AUTS2: variants seen among roughly 807,000 people sequenced by gnomAD.
AUTS2 encodes the protein activator of transcription and developmental regulator AUTS2.
Under a neutral mutation model 112.4 loss-of-function variants are expected in AUTS2, and 17 were observed. The ratio of observed to expected loss-of-function variants is 0.15; its 90% CI spans 0.10 to 0.23. The LOEUF (loss-of-function observed/expected upper bound fraction) is 0.23, where lower values mean the gene tolerates loss of function less well. Ranked by LOEUF, AUTS2 falls within the 10% of genes least tolerant of loss-of-function variation. AUTS2 has a pLI of 1.00. For missense variants in AUTS2, 1,510 were observed against 1,701.6 expected (o/e 0.89, Z 1.98); for synonymous variants, 751 against 702.7 (o/e 1.07, Z -1.09).
At chr7:70,065,440 T>A (rs1563075436) in intron 2 of AUTS2, among the ~76,000 whole-genome samples, 1 of 152,136 alleles carries the variant, frequency 6.6e-6, no homozygotes, top group Non-Finnish European at 1.5e-5. Flanking sequence ...ACACCTGTAA[T>A]CCCAGCACTT....
At position 70,537,334 on chromosome 7, in the gene AUTS2, T is replaced by C. The variant is rs150176523; in HGVS notation, c.690+101553T>C. On this transcript the variant is annotated intron_variant, in intron 5 of 18. Transcript: ENST00000342771. ...TACTACAACATTGGATTTTTGTTGC[T>C]GTTAAATCAAAATTTTAGTCTTTCA... Among the ~76,000 whole-genome samples, 1,412 of 152,330 alleles carry C rather than the reference T, an allele frequency of 9.3e-3. 14 individuals are homozygous for C. Among genetic ancestry groups the C allele is most frequent in the African/African-American group, 0.032 (1,351 of 41,580 alleles).
chr7:70,531,623 C>G (rs936630424), intron 5 of AUTS2, among the ~76,000 whole-genome samples: 3 of 152,036 alleles, frequency 2.0e-5, no homozygotes, highest in Middle Eastern at 3.2e-3. Flanking sequence ...ATAATCGGCT[C>G]TCATGTGAAC....
chr7:70,473,694 T>A (rs62455226), intron 5 of AUTS2, among the ~76,000 whole-genome samples: 3,707 of 151,444 alleles, frequency 0.024, 100 homozygotes, highest in Admixed American at 0.087. Flanking sequence ...CTAGAAAATG[T>A]TTGTTTTTTT....
In AUTS2 at chr7:69,811,182, T is replaced by C. The variant is rs112393504; in HGVS notation, c.310-88104T>C. Among the ~76,000 whole-genome samples, 773 of 152,242 alleles carry C rather than the reference T, an allele frequency of 5.1e-3. 8 individuals are homozygous for C. The highest frequency in any genetic ancestry group is 0.018 in the African/African-American group (728 of 41,536). On this transcript the variant is annotated intron_variant, in intron 1 of 18. Transcript: ENST00000342771. ...TAAAAGAGGAATCTGAAGGGCCTTA[T>C]GGGAAGAGTACTGCTGGTGGACACA...
intron 1 of AUTS2, among the ~76,000 whole-genome samples, chr7:69,622,276 G>A (rs1269909877): frequency 1.3e-5 from 2 of 152,120 alleles, no homozygotes; most frequent in African/African-American, 4.8e-5. Context: ...CTTGAATTTT[G>A]GTTGCCTATG....
At chr7:70,379,315 A>G (rs1212525218) in intron 4 of AUTS2, among the ~76,000 whole-genome samples, 2 of 152,152 alleles carry the variant, frequency 1.3e-5, no homozygotes, top group Admixed American at 1.3e-4. Flanking sequence ...GGCCTGGCCA[A>G]CATGGTGAAA....
chr7:70,616,681 A>C (rs1804384747), intron 5 of AUTS2, among the ~76,000 whole-genome samples: 1 of 152,186 alleles, frequency 6.6e-6, no homozygotes, highest in Admixed American at 6.5e-5. Flanking sequence ...GTTAAAAATC[A>C]ACGTATCTTT....
In AUTS2 at chr7:69,891,443, G is replaced by A. The variant is rs561742130; in HGVS notation, c.310-7843G>A. ...TTGCACATCTGCTAGGAGCATTCAT[G>A]TGTAGCTCTTCATGTAGACATGTAC... is the stretch of plus-strand genomic sequence containing the variant. On this transcript the variant is annotated intron_variant, in intron 1 of 18. Coordinates refer to ENST00000342771, the MANE Select transcript of AUTS2 (RefSeq NM_015570.4). Among the ~76,000 whole-genome samples, 18 of 152,290 alleles carry A rather than the reference G, an allele frequency of 1.2e-4. No individual in the cohort carries two copies. The South Asian group carries it at 2.7e-3, about 23-fold the overall frequency.
intron 5 of AUTS2, among the ~76,000 whole-genome samples, chr7:70,652,513 A>G (rs1806558267): frequency 6.6e-6 from 1 of 152,230 alleles, no homozygotes; most frequent in Admixed American, 6.5e-5. Flanking sequence ...AAGTAAATGT[A>G]AAAGACTACA....
chr7:70,046,520 A>C (rs1801511721), intron 2 of AUTS2, among the ~76,000 whole-genome samples: 1 of 152,228 alleles, frequency 6.6e-6, no homozygotes, highest in Non-Finnish European at 1.5e-5. Flanking sequence ...ATTCTCAAGC[A>C]AATGGAAGCT....
intron 4 of AUTS2, among the ~76,000 whole-genome samples, chr7:70,236,758 CGTT>C (rs1324164598): frequency 6.6e-6 from 1 of 152,176 alleles, no homozygotes. Context: ...TTCCACTCCT[CGTT>C]GTTATTTTCT....
chr7:69,826,457 A>T (rs1045228690), intron 1 of AUTS2, among the ~76,000 whole-genome samples: 2 of 152,162 alleles, frequency 1.3e-5, no homozygotes, highest in African/African-American at 2.4e-5. Flanking sequence ...AACACCCTAT[A>T]AATGTGACTA....
chr7:70,288,086 T>C (rs1168905760), intron 4 of AUTS2, among the ~76,000 whole-genome samples: 1 of 152,096 alleles, frequency 6.6e-6, no homozygotes, highest in Non-Finnish European at 1.5e-5. Flanking sequence ...TTCAAGGTGG[T>C]GTAAGGGCAT....
chr7:70,750,229 A>G (rs1205466877), intron 6 of AUTS2, among the ~76,000 whole-genome samples: 1 of 152,192 alleles, frequency 6.6e-6, no homozygotes, highest in Non-Finnish European at 1.5e-5. Flanking sequence ...GGAAGTGGGC[A>G]CAGGGATAGT....
intron 5 of AUTS2, among the ~76,000 whole-genome samples, chr7:70,626,358 TAAAAAAA>T (rs10572995): frequency 6.3e-4 from 71 of 113,358 alleles, no homozygotes; most frequent in South Asian, 1.1e-3. Flanking sequence ...ACCTTGTTTC[TAAAAAAA>T]AAAAAAAAAA....
At chr7:70,078,007 C>T (rs1164785655) in intron 2 of AUTS2, among the ~76,000 whole-genome samples, 1 of 152,142 alleles carries the variant, frequency 6.6e-6, no homozygotes, top group African/African-American at 2.4e-5. Context: ...ATGTTTGGTA[C>T]ATGGGCAAGT....
chr7:70,029,860 A>G (rs969841585), intron 2 of AUTS2, among the ~76,000 whole-genome samples: 2 of 152,208 alleles, frequency 1.3e-5, no homozygotes, highest in Non-Finnish European at 2.9e-5. Flanking sequence ...GTTGAGTTCC[A>G]GTAAAACTTT....
intron 1 of AUTS2, among the ~76,000 whole-genome samples, chr7:69,662,873 A>G (rs920809345): frequency 6.6e-6 from 1 of 152,212 alleles, no homozygotes; most frequent in East Asian, 1.9e-4. Context: ...ATGGAATTAC[A>G]CAATATAAGA....
intron 6 of AUTS2, among the ~76,000 whole-genome samples, chr7:70,704,946 A>G (rs1427255024): frequency 1.3e-5 from 2 of 152,268 alleles, no homozygotes; most frequent in South Asian, 2.1e-4. Context: ...TTAAGCGCCT[A>G]CAGATGTCAA....
Sources: allele counts gnomAD v4.1 joint callset (sites outside exome capture counted in the v4.1 genomes callset), GRCh38; gene constraint gnomAD v4.1.1; transcripts MANE v1.5; gene names NCBI Gene and HGNC (gene_info 2026-07-23, HGNC 2026-07-21).